RAB1A: variants seen among roughly 807,000 people sequenced by gnomAD.
RAB1A encodes RAB1A, member RAS oncogene family, also known as ras-related protein Rab-1A.
RAB1A carries 2 observed loss-of-function variants against 26.0 expected under a neutral mutation model. The ratio of observed to expected loss-of-function variants is 0.08; its 90% CI spans 0.03 to 0.24. The LOEUF (loss-of-function observed/expected upper bound fraction) is 0.24. Among genes scored for constraint, RAB1A ranks in the 10% least tolerant of loss-of-function variants. The probability of loss-of-function intolerance (pLI) is 1.00; values close to 1 mark genes in which losing one functional copy is unlikely to be tolerated. For missense variants in RAB1A, 100 were observed against 247.0 expected (o/e 0.40, Z 3.99); for synonymous variants, 84 against 84.9 (o/e 0.99, Z 0.06).
At chr2:65,089,630 C>T (rs565024853) in intron 4 of RAB1A, among the ~76,000 whole-genome samples, 91 of 152,068 alleles carry the variant, frequency 6.0e-4, no homozygotes, top group South Asian at 3.5e-3. Context: ...TAAACTGCAA[C>T]GCAGGCAAAC....
intron 1 of RAB1A, among the ~76,000 whole-genome samples, chr2:65,111,689 A>G (rs747016339): frequency 6.6e-5 from 10 of 152,242 alleles, no homozygotes; most frequent in Middle Eastern, 3.2e-3. Context: ...GGAAAAGCGG[A>G]AAGAAGGGTA....
intron 1 of RAB1A, among the ~76,000 whole-genome samples, chr2:65,128,747 T>C (rs975419441): frequency 1.4e-4 from 22 of 152,128 alleles, no homozygotes; most frequent in Admixed American, 1.4e-3. Context: ...ATACTGATGT[T>C]CCCCCATCCC....
intron 1 of RAB1A, among the ~76,000 whole-genome samples, chr2:65,128,963 A>G (rs1451063987): frequency 1.3e-5 from 2 of 152,150 alleles, no homozygotes; most frequent in African/African-American, 2.4e-5. Context: ...AGTAAGCAAG[A>G]AAAAGAAATG....
intron 4 of RAB1A, 104 bp from the exon 5 acceptor site, chr2:65,089,174 G>A (rs1159533294): frequency 9.1e-7 from 1 of 1,102,226 alleles, no homozygotes; most frequent in Non-Finnish European, 1.3e-6. Context: ...AAGAGCTAGT[G>A]AGACAACTCT....
At chr2:65,092,368 C>G (rs1302189371) in intron 3 of RAB1A, among the ~76,000 whole-genome samples, 1 of 152,066 alleles carries the variant, frequency 6.6e-6, no homozygotes, top group Admixed American at 6.5e-5. Context: ...AACATCAAAT[C>G]CAGGTTCCTG....
At chr2:65,095,322 C>G (rs1669257769) in intron 3 of RAB1A, among the ~76,000 whole-genome samples, 1 of 151,886 alleles carries the variant, frequency 6.6e-6, no homozygotes, top group African/African-American at 2.4e-5. Context: ...AAGCGTGAAC[C>G]ACGACGCCCG....
chr2:65,128,681 G>GA (rs1348685908), intron 1 of RAB1A, among the ~76,000 whole-genome samples: 1 of 152,154 alleles, frequency 6.6e-6, no homozygotes, highest in Non-Finnish European at 1.5e-5. Context: ...CCTTTTAGGG[G>GA]AAAATGTCTA....
At chr2:65,121,235 G>GA (rs34280362) in intron 1 of RAB1A, among the ~76,000 whole-genome samples, 51,176 of 91,072 alleles carry the variant, frequency 0.56, 13,522 homozygotes, top group East Asian at 0.64. Context: ...ATCATGTCTC[G>GA]AAAAAAAAAA....
intron 1 of RAB1A, among the ~76,000 whole-genome samples, chr2:65,115,709 A>C (rs1669807924): frequency 6.6e-6 from 1 of 152,186 alleles, no homozygotes; most frequent in Non-Finnish European, 1.5e-5. Context: ...ATAGTCAAGC[A>C]ATTAAAAAAA....
At chr2:65,126,515 T>G (rs1670105711) in intron 1 of RAB1A, among the ~76,000 whole-genome samples, 1 of 152,086 alleles carries the variant, frequency 6.6e-6, no homozygotes, top group Admixed American at 6.6e-5. Flanking sequence ...ATCTAAAAAT[T>G]CTGTTGCTTC....
intron 1 of RAB1A, among the ~76,000 whole-genome samples, chr2:65,108,077 C>T (rs1033544097): frequency 7.2e-6 from 1 of 139,824 alleles, no homozygotes; most frequent in South Asian, 2.3e-4. Context: ...AAAAAATCAA[C>T]AACTCTATTT....
chr2:65,124,471 A>G (rs1229751119), intron 1 of RAB1A, among the ~76,000 whole-genome samples: 6 of 152,016 alleles, frequency 3.9e-5, no homozygotes, highest in Non-Finnish European at 7.4e-5. Context: ...ATTTTGAGAC[A>G]GAGTCTTGCT....
intron 1 of RAB1A, among the ~76,000 whole-genome samples, chr2:65,108,900 T>C (rs1418680219): frequency 6.6e-6 from 1 of 152,222 alleles, no homozygotes; most frequent in Non-Finnish European, 1.5e-5. Flanking sequence ...GAGTGCTCTG[T>C]ATAAGACAAT....
intron 1 of RAB1A, among the ~76,000 whole-genome samples, chr2:65,119,108 G>C (rs1267431144): frequency 6.6e-6 from 1 of 151,866 alleles, no homozygotes; most frequent in Non-Finnish European, 1.5e-5. Context: ...CAGGGGCTGA[G>C]ATGGGAGGAT....
rs1362125130 is a variant in RAB1A at position 65,130,068 on chromosome 2, A to C, written c.-153T>G. 2.4e-6 allele frequency: 2 copies of C among 850,632 alleles called. No individual in the cohort carries two copies. The highest frequency in any genetic ancestry group is 2.7e-5 in the East Asian group (1 of 37,558). The allele number at this position is 850,632 out of a possible 1,614,324, so 52.7% of individuals were successfully genotyped here. A position where few individuals can be genotyped will look rare whatever the true frequency, so the allele number is the denominator to read the frequency against. ...CTACTCCGTCCCCTAGAACACAATC[A>C]GCAGCCGCCGCCACTCAGCTATCGC... On this transcript the variant is annotated 5_prime_UTR_variant, in exon 1 of 6. Coordinates refer to ENST00000409784, the MANE Select transcript of RAB1A (RefSeq NM_004161.5).
chr2:65,090,310 T>C (rs930534802), intron 4 of RAB1A, among the ~76,000 whole-genome samples: 10 of 152,152 alleles, frequency 6.6e-5, no homozygotes, highest in African/African-American at 2.4e-4. Flanking sequence ...AAAAGAAAAA[T>C]AAATTCCAAT....
chr2:65,091,028 G>A lies in RAB1A; in HGVS notation c.243C>T (p.Tyr81=). Residue 81 remains tyrosine (Y), a synonymous_variant, in exon 4 of 6, where the codon TAC becomes TAT. Transcript: ENST00000409784. ...ERFRTITSSY[Y]RGAHGIIVVY... ...CAACTATGATGCCATGGGCTCCTCT[G>A]TAATAACTGGAGGTGATTGTTCGAA... 6.2e-7 allele frequency: 1 copy of A among 1,613,436 alleles called. No individual in the cohort carries two copies. The highest frequency in any genetic ancestry group is 8.5e-7 in the Non-Finnish European group (1 of 1,179,512).
At chr2:65,104,959 G>A in intron 1 of RAB1A, 153 bp from the exon 2 acceptor site, 1 of 758,360 alleles carries the variant, frequency 1.3e-6, no homozygotes, top group Non-Finnish European at 2.4e-6. Context: ...ACTGCAAACA[G>A]CCACAGCCCT....
Position 65,108,725 on chromosome 2 carries a change from G to A in RAB1A, c.24-3919C>T, listed in dbSNP as rs1669622149. On this transcript the variant is annotated intron_variant, in intron 1 of 5. Coordinates refer to ENST00000409784, the MANE Select transcript of RAB1A (RefSeq NM_004161.5). The stretch of plus-strand genomic sequence containing the variant: ...GGAGGCAAAGGCAGGAGAATCACTT[G>A]AACCCGAGAGGCGGAGGTTGCAGTG... Among the ~76,000 whole-genome samples, 4 of 152,228 alleles carry A rather than the reference G, an allele frequency of 2.6e-5. No individual in the cohort carries two copies. The South Asian group carries it at 8.3e-4, about 32-fold the overall frequency.
Sources: gnomAD v4.1 joint callset for allele counts (sites outside exome capture counted in the v4.1 genomes callset) on GRCh38, gnomAD v4.1.1 for gene constraint, MANE v1.5 for transcripts, NCBI Gene and HGNC (gene_info 2026-07-23, HGNC 2026-07-21) for gene names.